GRID2: variants seen among roughly 807,000 people sequenced by gnomAD.
GRID2 encodes the protein glutamate receptor ionotropic, delta-2.
In GRID2, 33 loss-of-function variants were observed where a neutral mutation model predicts 114.8. The ratio of observed to expected loss-of-function variants is 0.29; its 90% CI spans 0.22 to 0.38. The LOEUF is 0.38. Among genes scored for constraint, GRID2 ranks in the 10% least tolerant of loss-of-function variants. GRID2 has a pLI of 1.00. For missense variants in GRID2, 1,184 were observed against 1,257.7 expected (o/e 0.94, Z 0.89); for synonymous variants, 505 against 449.9 (o/e 1.12, Z -1.55).
intron 4 of GRID2, among the ~76,000 whole-genome samples, chr4:93,189,768 C>G (rs1560967424): frequency 1.8e-5 from 2 of 110,634 alleles, no homozygotes; most frequent in Non-Finnish European, 3.7e-5. Context: ...CACCACCACA[C>G]CACACCACAC....
At chr4:93,646,059 T>C (rs1412001658) in intron 14 of GRID2, among the ~76,000 whole-genome samples, 1 of 152,156 alleles carries the variant, frequency 6.6e-6, no homozygotes, top group Non-Finnish European at 1.5e-5. Context: ...ACTTAGTGCT[T>C]GAAACTCTTT....
intron 1 of GRID2, among the ~76,000 whole-genome samples, chr4:92,555,901 T>C (rs17019559): frequency 2.2e-3 from 331 of 152,290 alleles, no homozygotes; most frequent in African/African-American, 7.6e-3. Context: ...AGCTCTAAAT[T>C]CTCTGGCAGA....
intron 1 of GRID2, among the ~76,000 whole-genome samples, chr4:92,447,421 G>A (rs1157691627): frequency 6.6e-6 from 1 of 152,050 alleles, no homozygotes; most frequent in Non-Finnish European, 1.5e-5. Flanking sequence ...ACAGCTGAAG[G>A]GTGTCAAGTG....
rs116833523 is a variant in GRID2 at position 93,334,963 on chromosome 4, T to C, written c.1246-60644T>C. ...AAAAAAAAAAAGAATTTCTGGTCTT[T>C]AGCTGCTGTTTTTCATAAACAATCA... On this transcript the variant is annotated intron_variant, in intron 8 of 15. Coordinates refer to ENST00000282020, the MANE Select transcript of GRID2 (RefSeq NM_001510.4). Among the ~76,000 whole-genome samples the C allele has an allele frequency of 8.1e-3, 1,233 of 152,248 alleles. 14 individuals are homozygous for C. Among genetic ancestry groups the C allele is most frequent in the African/African-American group, 0.028 (1,158 of 41,546 alleles).
intron 2 of GRID2, among the ~76,000 whole-genome samples, chr4:92,845,060 A>G (rs551258193): frequency 1.3e-5 from 2 of 152,236 alleles, no homozygotes; most frequent in Admixed American, 1.3e-4. Flanking sequence ...ACATCAGTAC[A>G]AATGTGCGGA....
chr4:92,315,236 TA>T (rs1040514227), intron 1 of GRID2, among the ~76,000 whole-genome samples: 5 of 152,292 alleles, frequency 3.3e-5, no homozygotes, highest in Non-Finnish European at 5.9e-5. Context: ...ATGTCCTCTA[TA>T]AAAACATTTC....
intron 2 of GRID2, among the ~76,000 whole-genome samples, chr4:92,930,753 C>T (rs1015226603): frequency 6.6e-6 from 1 of 150,682 alleles, no homozygotes; most frequent in Non-Finnish European, 1.5e-5. Flanking sequence ...TGAAAATGGA[C>T]ACACACATAC....
chr4:93,638,301 CTTT>C (rs1184003180), intron 14 of GRID2, among the ~76,000 whole-genome samples: 1 of 77,312 alleles, frequency 1.3e-5, no homozygotes, highest in Non-Finnish European at 2.7e-5. Flanking sequence ...AAACTTGCAT[CTTT>C]TTTTTTTTTT....
intron 8 of GRID2, among the ~76,000 whole-genome samples, chr4:93,372,256 C>T (rs1763000626): frequency 6.6e-6 from 1 of 152,046 alleles, no homozygotes; most frequent in Non-Finnish European, 1.5e-5. Flanking sequence ...ATTTTTCACA[C>T]CACAAAGTTA....
intron 3 of GRID2, among the ~76,000 whole-genome samples, chr4:93,086,518 T>G (rs1367061384): frequency 6.6e-6 from 1 of 152,116 alleles, no homozygotes; most frequent in Non-Finnish European, 1.5e-5. Context: ...CCCTAAATAT[T>G]CAATGGTTGC....
intron 1 of GRID2, among the ~76,000 whole-genome samples, chr4:92,533,687 C>T (rs893569316): frequency 6.6e-6 from 1 of 151,988 alleles, no homozygotes; most frequent in African/African-American, 2.4e-5. Flanking sequence ...TTTTTAAAAA[C>T]AAGGAGACAA....
At chr4:93,406,044 G>C (rs1217868503) in intron 9 of GRID2, among the ~76,000 whole-genome samples, 2 of 151,726 alleles carry the variant, frequency 1.3e-5, no homozygotes, top group Admixed American at 6.6e-5. Flanking sequence ...ATATTTTATT[G>C]ATATGGCTAG....
intron 13 of GRID2, among the ~76,000 whole-genome samples, chr4:93,565,628 A>G (rs1467512283): frequency 6.6e-6 from 1 of 152,236 alleles, no homozygotes; most frequent in African/African-American, 2.4e-5. Flanking sequence ...AAATGCAATG[A>G]GTAAGCAAAT....
chr4:92,622,847 T>C (rs2149239820), intron 2 of GRID2, among the ~76,000 whole-genome samples: 1 of 151,872 alleles, frequency 6.6e-6, no homozygotes, highest in Non-Finnish European at 1.5e-5. Context: ...CACAGGTTTA[T>C]TGTAATATCC....
intron 14 of GRID2, among the ~76,000 whole-genome samples, chr4:93,717,609 G>T (rs557540473): frequency 2.0e-5 from 3 of 152,036 alleles, no homozygotes; most frequent in Non-Finnish European, 2.9e-5. Context: ...TTTCTTTTTT[G>T]TGTGTATTTT....
intron 5 of GRID2, among the ~76,000 whole-genome samples, chr4:93,210,989 A>G (rs1579302571): frequency 6.6e-6 from 1 of 152,228 alleles, no homozygotes; most frequent in South Asian, 2.1e-4. Flanking sequence ...CAACCTTACT[A>G]GAAAAATAAA....
intron 1 of GRID2, among the ~76,000 whole-genome samples, chr4:92,575,828 G>A (rs371806429): frequency 5.9e-5 from 9 of 152,270 alleles, no homozygotes; most frequent in East Asian, 3.9e-4. Context: ...GGCCACCCCC[G>A]TTGTTCTCCA....
At chr4:93,168,542 G>A (rs2149418497) in intron 4 of GRID2, among the ~76,000 whole-genome samples, 1 of 151,970 alleles carries the variant, frequency 6.6e-6, no homozygotes, top group East Asian at 1.9e-4. Context: ...GAAATCATGG[G>A]ATTCCATAAA....
At position 92,719,266 on chromosome 4, in the gene GRID2, C is replaced by T. The variant is rs750460904; in HGVS notation, c.244+128980C>T. 7.4e-4 allele frequency among the ~76,000 whole-genome samples: 112 copies of T among 152,096 alleles called. 1 individual carries two copies. Among genetic ancestry groups the T allele is most frequent in the Non-Finnish European group, 2.6e-4 (18 of 68,014 alleles). ...TCTCCCAAAGTGCTGGGATTACAGG[C>T]ATGAGTCACTGTGCCTGGCCAAAAG... On this transcript the variant is annotated intron_variant, in intron 2 of 15. Coordinates refer to ENST00000282020, the MANE Select transcript of GRID2 (RefSeq NM_001510.4).
Sources: allele counts gnomAD v4.1 joint callset (sites outside exome capture counted in the v4.1 genomes callset), GRCh38; gene constraint gnomAD v4.1.1; transcripts MANE v1.5; gene names NCBI Gene and HGNC (gene_info 2026-07-23, HGNC 2026-07-21).